The following ARHGAP22 variants were observed in gnomAD, a reference collection of about 807,000 sequenced individuals.
ARHGAP22 encodes the protein rho GTPase-activating protein 22.
In ARHGAP22, 48 loss-of-function variants were observed where a neutral mutation model predicts 59.1. The ratio of observed to expected loss-of-function variants is 0.81; its 90% CI spans 0.64 to 1.03. The LOEUF (loss-of-function observed/expected upper bound fraction) is 1.03, where lower values mean the gene tolerates loss of function less well. Ranked by LOEUF, ARHGAP22 falls within the 50% of genes least tolerant of loss-of-function variation. The pLI, the probability that ARHGAP22 is intolerant of heterozygous loss-of-function variation, is 0.00. For synonymous variants in ARHGAP22, 445 were observed against 416.4 expected (o/e 1.07, Z -0.84); for missense variants, 1,015 against 958.7 (o/e 1.06, Z -0.78).
intron 2 of ARHGAP22, 70 bp from the exon 3 acceptor site, chr10:48,555,620 C>G: frequency 6.6e-7 from 1 of 1,516,768 alleles, no homozygotes; most frequent in Non-Finnish European, 9.1e-7. Flanking sequence ...CGTCAGGGTC[C>G]CTGGAGAGGA....
chr10:48,655,008 C>CTTTCTT (rs1554967984), upstream of ARHGAP22, among the ~76,000 whole-genome samples: 2 of 76,546 alleles, frequency 2.6e-5, no homozygotes, highest in African/African-American at 5.3e-5. Context: ...CTCTTTCTTT[C>CTTTCTT]TCTTTCTTTC....
intron 3 of ARHGAP22, among the ~76,000 whole-genome samples, chr10:48,491,983 C>G (rs911835427): frequency 6.6e-6 from 1 of 152,206 alleles, no homozygotes; most frequent in African/African-American, 2.4e-5. Context: ...TCCAGCCAGG[C>G]TTTCTCCCCT....
At chr10:48,611,644 T>C (rs1302272936) in intron 1 of ARHGAP22, among the ~76,000 whole-genome samples, 1 of 152,114 alleles carries the variant, frequency 6.6e-6, no homozygotes, top group Non-Finnish European at 1.5e-5. Context: ...AAATAGCTGC[T>C]TGTTGAACAG....
chr10:48,584,993 CAA>C (rs34230451), intron 1 of ARHGAP22, among the ~76,000 whole-genome samples: 8 of 137,600 alleles, frequency 5.8e-5, no homozygotes, highest in Admixed American at 7.2e-5. Context: ...GACTCAGTCT[CAA>C]AAAAAAAAAA....
chr10:48,570,251 CA>C (rs1422681537), intron 2 of ARHGAP22, among the ~76,000 whole-genome samples: 1 of 152,200 alleles, frequency 6.6e-6, no homozygotes, highest in Non-Finnish European at 1.5e-5. Context: ...AAAAAAGCCA[CA>C]AAGTCTCACA....
In ARHGAP22 at chr10:48,630,355, G is replaced by T. The variant is rs537077380; in HGVS notation, c.52+21879C>A. On this transcript the variant is annotated intron_variant, in intron 1 of 9. Coordinates refer to the ARHGAP22 transcript ENST00000435790. ...TCCACCCACCTCAGCCTCCCAAAGC[G>T]CTGGGATTACAGGAATGAGCCACCA... 4.6e-5 allele frequency among the ~76,000 whole-genome samples: 7 copies of T among 152,258 alleles called. No homozygotes were observed. The South Asian group carries it at 6.2e-4, about 14-fold the overall frequency.
intron 3 of ARHGAP22, among the ~76,000 whole-genome samples, chr10:48,549,726 C>A (rs1432182718): frequency 6.6e-6 from 1 of 152,176 alleles, no homozygotes; most frequent in Non-Finnish European, 1.5e-5. Flanking sequence ...TTGGTTATAG[C>A]TTTGCCTGCC....
chr10:48,533,470 G>C (rs1030868042), intron 3 of ARHGAP22, among the ~76,000 whole-genome samples: 1 of 152,058 alleles, frequency 6.6e-6, no homozygotes, highest in African/African-American at 2.4e-5. Flanking sequence ...ACTTTTATTT[G>C]CATTTTCTCA....
chr10:48,610,538 G>A (rs1475820489), intron 1 of ARHGAP22, among the ~76,000 whole-genome samples: 1 of 152,176 alleles, frequency 6.6e-6, no homozygotes, highest in Non-Finnish European at 1.5e-5. Context: ...CTTTAACTTT[G>A]CAACAGTTAA....
chr10:48,621,942 G>C (rs902264100), intron 1 of ARHGAP22, among the ~76,000 whole-genome samples: 1 of 152,020 alleles, frequency 6.6e-6, no homozygotes, highest in African/African-American at 2.4e-5. Context: ...AGTCTCTTTT[G>C]TTTGATTTTA....
At chr10:48,453,452 C>G in intron 7 of ARHGAP22, 27 bp from the exon 8 acceptor site, 1 of 1,612,292 alleles carries the variant, frequency 6.2e-7, no homozygotes, top group Non-Finnish European at 8.5e-7. Context: ...CAGCAGTCAT[C>G]AAAGAAGCAA....
chr10:48,629,885 T>C (rs905350854), intron 1 of ARHGAP22, among the ~76,000 whole-genome samples: 3 of 152,218 alleles, frequency 2.0e-5, no homozygotes, highest in Non-Finnish European at 4.4e-5. Context: ...ATCAATGTTT[T>C]GTGGTTTTCT....
At chr10:48,440,256 T>A in the ARHGAP22 span, among the ~76,000 whole-genome samples, 1 of 152,238 alleles carries the variant, frequency 6.6e-6, no homozygotes, top group Admixed American at 6.5e-5. Flanking sequence ...AGTATTTCTT[T>A]GGACTTCATT....
intron 9 of ARHGAP22, 78 bp downstream of exon 9, chr10:48,450,183 G>A (rs2045762548): frequency 2.0e-6 from 3 of 1,531,982 alleles, no homozygotes; most frequent in African/African-American, 1.4e-5. Flanking sequence ...GTTAGGGGCC[G>A]ACGCCCATGT....
At chr10:48,589,346 G>T (rs77488626) in intron 1 of ARHGAP22, among the ~76,000 whole-genome samples, 10,433 of 152,040 alleles carry the variant, frequency 0.069, 371 homozygotes, top group Middle Eastern at 0.11. Flanking sequence ...CCTGCTTCTG[G>T]CTTCAACTTC....
chr10:48,475,617 A>G (rs2048642261), intron 4 of ARHGAP22, among the ~76,000 whole-genome samples: 1 of 152,184 alleles, frequency 6.6e-6, no homozygotes, highest in Admixed American at 6.5e-5. Flanking sequence ...CCTCTCATCC[A>G]TCTTAGCAGG....
intron 3 of ARHGAP22, among the ~76,000 whole-genome samples, chr10:48,506,187 G>C (rs2052116778): frequency 6.6e-6 from 1 of 152,160 alleles, no homozygotes; most frequent in South Asian, 2.1e-4. Flanking sequence ...ACAACATATA[G>C]TCAGGCACCG....
intron 4 of ARHGAP22, among the ~76,000 whole-genome samples, chr10:48,472,524 A>AAAAATAAAAT (rs57810660): frequency 4.6e-5 from 7 of 150,966 alleles, no homozygotes; most frequent in African/African-American, 7.3e-5. Flanking sequence ...ACTCTGTCTC[A>AAAAATAAAAT]AAAATAAAAT....
At chr10:48,468,024 C>A (rs2047888079) in intron 4 of ARHGAP22, among the ~76,000 whole-genome samples, 1 of 152,198 alleles carries the variant, frequency 6.6e-6, no homozygotes, top group South Asian at 2.1e-4. Flanking sequence ...CTAGGATAAA[C>A]ACTTTATTGT....
Sources: allele counts gnomAD v4.1 joint callset (sites outside exome capture counted in the v4.1 genomes callset), GRCh38; gene constraint gnomAD v4.1.1; transcripts MANE v1.5; gene names NCBI Gene and HGNC (gene_info 2026-07-23, HGNC 2026-07-21).